FAT3: variants seen among roughly 807,000 people sequenced by gnomAD.
FAT3 encodes protocadherin Fat 3.
A neutral mutation model predicts 310.2 loss-of-function variants in FAT3; 95 were observed. That is an observed-to-expected ratio of 0.31 (90% CI 0.26 to 0.36). The LOEUF is 0.36. Among genes scored for constraint, FAT3 ranks in the 10% least tolerant of loss-of-function variants. The pLI, the probability that FAT3 is intolerant of heterozygous loss-of-function variation, is 1.00. For missense variants in FAT3, 5,408 were observed against 5,715.6 expected (o/e 0.95, Z 1.74); for synonymous variants, 2,314 against 2,192.9 (o/e 1.06, Z -1.54).
At chr11:92,345,221 C>T (rs527283161) in intron 1 of FAT3, among the ~76,000 whole-genome samples, 11 of 152,106 alleles carry the variant, frequency 7.2e-5, no homozygotes, top group East Asian at 5.8e-4. Flanking sequence ...TGCTGACTAG[C>T]CCAGTCTCCC....
intron 2 of FAT3, among the ~76,000 whole-genome samples, chr11:92,395,135 T>G (rs1949838180): frequency 6.6e-6 from 1 of 152,242 alleles, no homozygotes; most frequent in African/African-American, 2.4e-5. Flanking sequence ...TCAGGAGTAC[T>G]AAAGACATTT....
rs1209214639 is a variant in FAT3 at position 92,843,677 on chromosome 11, CCTT to C, written c.10567-254_10567-252del. Among the ~76,000 whole-genome samples the C allele has an allele frequency of 5.9e-5, 9 of 152,280 alleles. No homozygotes were observed. The South Asian group carries it at 1.0e-3, about 18-fold the overall frequency. On this transcript the variant is annotated intron_variant, in intron 18 of 27. Coordinates refer to ENST00000525166, the MANE Select transcript of FAT3 (RefSeq NM_001367949.2). ...GTTGAGTCTTGTAGCCCTCTGTCCTCCTTCTCTCTTCACCCCAGCCGGCTTTAT... is the reference window on the plus strand; with the variant it reads ...GTTGAGTCTTGTAGCCCTCTGTCCTCCTCTCTTCACCCCAGCCGGCTTTAT...
In FAT3 at chr11:92,799,172, G is replaced by T. The variant is rs773661530; in HGVS notation, c.6159G>T (p.Val2053=). 1.2e-6 allele frequency: 2 copies of T among 1,613,944 alleles called. No individual in the cohort carries two copies. Among genetic ancestry groups the T allele is most frequent in the African/African-American group, 2.7e-5 (2 of 75,050 alleles). Residue 2053 remains valine (V), a synonymous_variant, in exon 10 of 28, where the codon GTG becomes GTT. Transcript: ENST00000525166. ...DREEQELYEL[V]VEASRELDHL... ...AAGAACAAGAGTTATATGAGCTGGT[G>T]GTAGAAGCCAGCCGTGAGCTGGACC...
chr11:92,759,346 A>G (rs774783534), intron 4 of FAT3, among the ~76,000 whole-genome samples: 7 of 152,238 alleles, frequency 4.6e-5, no homozygotes, highest in Non-Finnish European at 1.0e-4. Flanking sequence ...GCCCTTATGC[A>G]GTTTATCCAC....
intron 7 of FAT3, among the ~76,000 whole-genome samples, chr11:92,783,380 A>AT: frequency 6.7e-6 from 1 of 150,358 alleles, no homozygotes. Context: ...AAAAAAAAAA[A>AT]GGCAGTGGCC....
chr11:92,579,053 A>G (rs1331027787), intron 3 of FAT3, among the ~76,000 whole-genome samples: 1 of 152,142 alleles, frequency 6.6e-6, no homozygotes, highest in African/African-American at 2.4e-5. Context: ...ATGGGTATCT[A>G]TAGTTCCATT....
Position 92,792,939 on chromosome 11 carries a change from A to G in FAT3, c.4784A>G (p.Lys1595Arg). The G allele has an allele frequency of 6.2e-7, 1 of 1,613,738 alleles. No individual in the cohort carries two copies. The highest frequency in any genetic ancestry group is 8.5e-7 in the Non-Finnish European group (1 of 1,179,760). Residue 1595 changes from lysine to arginine, a missense_variant, in exon 9 of 28, where the codon AAA (lysine) becomes AGA (arginine). This residue lies in a region of FAT3 where 4,588 missense variants were observed against 4,809.8 expected (regional missense o/e 0.95). Transcript: ENST00000525166. Reference protein sequence around the residue: ...VLQVTALDKDKGENAELIYTI... With the variant: ...VLQVTALDKDRGENAELIYTI... Reference sequence around the variant, plus strand: ...CAAGTGACGGCTCTGGACAAAGACAAAGGAGAAAATGCAGAACTCATATAT... The same window carrying G: ...CAAGTGACGGCTCTGGACAAAGACAGAGGAGAAAATGCAGAACTCATATAT...
At chr11:92,693,916 A>G (rs1012035735) in intron 3 of FAT3, among the ~76,000 whole-genome samples, 14 of 152,286 alleles carry the variant, frequency 9.2e-5, no homozygotes, top group African/African-American at 3.4e-4. Context: ...CCTGAGGCCT[A>G]AACTAACTAA....
chr11:92,830,334 C>G (rs778237942), intron 13 of FAT3, among the ~76,000 whole-genome samples: 4 of 152,088 alleles, frequency 2.6e-5, no homozygotes, highest in Non-Finnish European at 5.9e-5. Flanking sequence ...TAGACATTTC[C>G]TAGTTTGTAT....
chr11:92,371,799 G>C (rs753498610), intron 2 of FAT3, among the ~76,000 whole-genome samples: 8 of 152,150 alleles, frequency 5.3e-5, no homozygotes, highest in Non-Finnish European at 1.2e-4. Flanking sequence ...TAATAGCTAG[G>C]TGATGATTGT....
chr11:92,379,457 A>G (rs944229041), intron 2 of FAT3, among the ~76,000 whole-genome samples: 3 of 152,172 alleles, frequency 2.0e-5, no homozygotes, highest in Admixed American at 6.5e-5. Flanking sequence ...TGAGCAGGAA[A>G]GCATCTTTTC....
At chr11:92,495,074 C>G (rs1270552383) in intron 2 of FAT3, among the ~76,000 whole-genome samples, 2 of 151,758 alleles carry the variant, frequency 1.3e-5, no homozygotes, top group African/African-American at 4.8e-5. Flanking sequence ...TTTTTTCTTT[C>G]CTGCTAGTCC....
chr11:92,472,404 T>G (rs1172414098), intron 2 of FAT3, among the ~76,000 whole-genome samples: 2 of 152,108 alleles, frequency 1.3e-5, no homozygotes, highest in Non-Finnish European at 2.9e-5. Flanking sequence ...TTTGACCTGG[T>G]GGACTGATCA....
chr11:92,253,980 C>T (rs775067505), intron 1 of FAT3, among the ~76,000 whole-genome samples: 3 of 152,174 alleles, frequency 2.0e-5, no homozygotes, highest in Non-Finnish European at 4.4e-5. Context: ...GTTTTCTAAA[C>T]TTGTAAAGAA....
At chr11:92,791,501 GTTCA>G (rs1181816529) in intron 8 of FAT3, among the ~76,000 whole-genome samples, 2 of 152,168 alleles carry the variant, frequency 1.3e-5, no homozygotes, top group African/African-American at 4.8e-5. Flanking sequence ...AGTCATTTCT[GTTCA>G]TTCTTTCTTT....
intron 3 of FAT3, among the ~76,000 whole-genome samples, chr11:92,663,014 CTG>C (rs1225723987): frequency 2.0e-5 from 3 of 152,162 alleles, no homozygotes; most frequent in Non-Finnish European, 4.4e-5. Flanking sequence ...CTTAGGAAGA[CTG>C]TGATGGGGTA....
intron 2 of FAT3, among the ~76,000 whole-genome samples, chr11:92,501,305 T>C (rs1179886757): frequency 6.6e-6 from 1 of 152,108 alleles, no homozygotes; most frequent in South Asian, 2.1e-4. Flanking sequence ...AGGCACACTT[T>C]GCTTTGTGGT....
At chr11:92,557,792 C>T (rs1955074139) in intron 3 of FAT3, among the ~76,000 whole-genome samples, 1 of 152,116 alleles carries the variant, frequency 6.6e-6, no homozygotes, top group African/African-American at 2.4e-5. Flanking sequence ...TTAAAATGTC[C>T]TGAAATCTTG....
intron 13 of FAT3, among the ~76,000 whole-genome samples, chr11:92,814,126 C>T (rs1443854968): frequency 6.6e-6 from 1 of 152,146 alleles, no homozygotes; most frequent in Non-Finnish European, 1.5e-5. Flanking sequence ...ACTTCCCAGC[C>T]TCCAGAACTA....
Sources: gnomAD v4.1 joint callset for allele counts (sites outside exome capture counted in the v4.1 genomes callset) on GRCh38, gnomAD v4.1.1 for gene constraint, gnomAD v4.1.1 regional missense constraint, MANE v1.5 for transcripts, NCBI Gene and HGNC (gene_info 2026-07-23, HGNC 2026-07-21) for gene names.